The following SEZ6L variants were observed in gnomAD, a reference collection of about 807,000 sequenced individuals.
SEZ6L encodes the protein seizure 6-like protein.
A neutral mutation model predicts 106.2 loss-of-function variants in SEZ6L; 37 were observed. That is an observed-to-expected ratio of 0.35 (90% CI 0.27 to 0.46). The LOEUF is 0.46. Among genes scored for constraint, SEZ6L ranks in the 20% least tolerant of loss-of-function variants. The pLI is 1.00. For synonymous variants in SEZ6L, 541 were observed against 570.4 expected, an observed-to-expected ratio of 0.95 and a Z score of 0.73; for missense variants, 1,172 against 1,332.8, an observed-to-expected ratio of 0.88 and a Z score of 1.88.
At chr22:26,295,151 C>T (rs373142313) in intron 3 of SEZ6L, among the ~76,000 whole-genome samples, 7 of 152,084 alleles carry the variant, frequency 4.6e-5, no homozygotes, top group African/African-American at 1.2e-4. Flanking sequence ...CTCAGTTTCC[C>T]GATCAATAAA....
At position 26,351,077 on chromosome 22, in the gene SEZ6L, G is replaced by A. The variant is rs146097392; in HGVS notation, c.2433G>A (p.Glu811=). ...TTATGTACTGCACCGACCCCGGAGA[G>A]GTGGATCACTCGACCCGCTTAATTT... ...EKIMYCTDPG[E]VDHSTRLISD... is the part of the protein sequence containing the mutation. Residue 811 remains glutamate, a synonymous_variant, in exon 12 of 17, where the codon GAG becomes GAA. Coordinates refer to ENST00000248933, the MANE Select transcript of SEZ6L (RefSeq NM_021115.5). The A allele has an allele frequency of 1.2e-6, 2 of 1,614,044 alleles. No homozygotes were observed. The highest frequency in any genetic ancestry group is 2.7e-5 in the African/African-American group (2 of 74,940).
intron 6 of SEZ6L, among the ~76,000 whole-genome samples, chr22:26,309,102 A>G (rs1329311806): frequency 6.6e-6 from 1 of 152,220 alleles, no homozygotes; most frequent in Non-Finnish European, 1.5e-5. Flanking sequence ...GCAGCATAAA[A>G]TAAACTATTT....
intron 10 of SEZ6L, among the ~76,000 whole-genome samples, chr22:26,343,321 G>A (rs1040051201): frequency 7.6e-6 from 1 of 132,010 alleles, no homozygotes; most frequent in Admixed American, 7.3e-5. Flanking sequence ...TCAGCTTGAT[G>A]GCCAAAAAAA....
intron 1 of SEZ6L, among the ~76,000 whole-genome samples, chr22:26,272,684 G>T (rs1232640237): frequency 1.3e-5 from 2 of 152,216 alleles, no homozygotes; most frequent in African/African-American, 4.8e-5. Context: ...TTTGTAGTGA[G>T]TGTTTGTTGA....
chr22:26,331,495 T>C (rs2082479133), intron 9 of SEZ6L, among the ~76,000 whole-genome samples: 1 of 152,218 alleles, frequency 6.6e-6, no homozygotes, highest in Admixed American at 6.5e-5. Context: ...CTTCCCCAGA[T>C]CTTTCTAAAT....
At chr22:26,183,624 G>T (rs983213140) in intron 1 of SEZ6L, among the ~76,000 whole-genome samples, 1 of 152,222 alleles carries the variant, frequency 6.6e-6, no homozygotes, top group Non-Finnish European at 1.5e-5. Flanking sequence ...ACTTCACAGA[G>T]GCAGAGGAGA....
chr22:26,241,702 C>G (rs2079139049), intron 1 of SEZ6L, among the ~76,000 whole-genome samples: 2 of 152,168 alleles, frequency 1.3e-5, no homozygotes, highest in African/African-American at 4.8e-5. Context: ...ATAACCATTT[C>G]ATTACATTTT....
chr22:26,252,448 G>A (rs967491547), intron 1 of SEZ6L, among the ~76,000 whole-genome samples: 24 of 152,178 alleles, frequency 1.6e-4, no homozygotes, highest in African/African-American at 5.8e-4. Flanking sequence ...GATTCATGGG[G>A]TACATGTACA....
At chr22:26,323,973 G>A (rs1601501555) in intron 9 of SEZ6L, among the ~76,000 whole-genome samples, 2 of 152,144 alleles carry the variant, frequency 1.3e-5, no homozygotes, top group South Asian at 4.1e-4. Flanking sequence ...GAGGCTGAGA[G>A]AGATGAAACT....
chr22:26,324,141 C>T (rs1278234810), intron 9 of SEZ6L, among the ~76,000 whole-genome samples: 1 of 151,546 alleles, frequency 6.6e-6, no homozygotes, highest in Non-Finnish European at 1.5e-5. Context: ...AAGTGCTCCA[C>T]ATGAGAGAAA....
At chr22:26,214,284 C>T (rs148842934) in intron 1 of SEZ6L, among the ~76,000 whole-genome samples, 240 of 152,304 alleles carry the variant, frequency 1.6e-3, no homozygotes, top group Non-Finnish European at 2.4e-3. Context: ...ATCTGAGAAA[C>T]GGAAGCAGTG....
chr22:26,326,865 A>G lies in SEZ6L; in HGVS notation c.2015+12963A>G, dbSNP rs993880906. 2.6e-5 allele frequency among the ~76,000 whole-genome samples: 4 copies of G among 152,184 alleles called. 1 individual carries two copies. The highest frequency in any genetic ancestry group is 4.1e-4 in the South Asian group (2 of 4,836). On this transcript the variant is annotated intron_variant, in intron 9 of 16. Transcript: ENST00000248933. ...GTCCTGTGATGGCCGAGGCCTGGGG[A>G]AGCCCCTGCAAACCCCTCTGGGGCC...
At chr22:26,314,551 C>A (rs980074465) in intron 9 of SEZ6L, among the ~76,000 whole-genome samples, 10 of 152,066 alleles carry the variant, frequency 6.6e-5, no homozygotes, top group Non-Finnish European at 1.3e-4. Context: ...CACAGTCTAA[C>A]GCAGAGTCTG....
intron 1 of SEZ6L, among the ~76,000 whole-genome samples, chr22:26,239,049 C>T (rs2079033688): frequency 6.6e-6 from 1 of 152,086 alleles, no homozygotes; most frequent in Admixed American, 6.5e-5. Context: ...ATAGCAAGAC[C>T]CCATCTCTAC....
At chr22:26,348,563 G>GGA (rs2083093923) in intron 11 of SEZ6L, among the ~76,000 whole-genome samples, 2 of 25,624 alleles carry the variant, frequency 7.8e-5, no homozygotes, top group African/African-American at 2.1e-4. Context: ...GGAAGGAAGG[G>GGA]AGGAAAGAAA....
chr22:26,220,382 C>G (rs1651427134), intron 1 of SEZ6L, among the ~76,000 whole-genome samples: 1 of 152,202 alleles, frequency 6.6e-6, no homozygotes, highest in African/African-American at 2.4e-5. Context: ...CATTGACCCT[C>G]TCCTCCTCAA....
At chr22:26,311,368 T>C (rs2081823959) in intron 7 of SEZ6L, among the ~76,000 whole-genome samples, 1 of 152,210 alleles carries the variant, frequency 6.6e-6, no homozygotes, top group Admixed American at 6.5e-5. Context: ...GGGCATTTCA[T>C]GTACGCTGGG....
intron 1 of SEZ6L, among the ~76,000 whole-genome samples, chr22:26,176,336 C>G (rs1433124121): frequency 6.6e-6 from 1 of 152,210 alleles, no homozygotes; most frequent in Non-Finnish European, 1.5e-5. Context: ...AAATGGAGAG[C>G]TGATGCAAGC....
chr22:26,289,650 G>A (rs1419989978), intron 1 of SEZ6L, among the ~76,000 whole-genome samples: 1 of 152,192 alleles, frequency 6.6e-6, no homozygotes, highest in Admixed American at 6.5e-5. Flanking sequence ...AGGAACACTG[G>A]CTGGTAATCA....
Sources: gnomAD v4.1 joint callset for allele counts (sites outside exome capture counted in the v4.1 genomes callset) on GRCh38, gnomAD v4.1.1 for gene constraint, MANE v1.5 for transcripts, NCBI Gene and HGNC (gene_info 2026-07-23, HGNC 2026-07-21) for gene names.